ARRB2: variants seen among roughly 807,000 people sequenced by gnomAD.
ARRB2 encodes the protein beta-arrestin-2.
A neutral mutation model predicts 53.4 loss-of-function variants in ARRB2; 21 were observed. The observed-to-expected ratio is 0.39, with a 90% CI of 0.28 to 0.57. ARRB2 has a LOEUF of 0.57. ARRB2 is among the 20% of genes least tolerant of loss of function. The pLI is 0.55. For synonymous variants in ARRB2, 180 were observed against 212.9 expected (o/e 0.85, Z 1.34); for missense variants, 369 against 527.5 (o/e 0.70, Z 2.94).
At chr17:4,711,307 C>G (rs1914378399) in intron 1 of ARRB2, among the ~76,000 whole-genome samples, 1 of 152,048 alleles carries the variant, frequency 6.6e-6, no homozygotes, top group South Asian at 2.1e-4. Flanking sequence ...TAGATCGTAT[C>G]CCTCTCTCTG....
chr17:4,720,893 C>A, intron 14 of ARRB2, 53 bp from the exon 15 acceptor site: 1 of 1,571,396 alleles, frequency 6.4e-7, no homozygotes, highest in Non-Finnish European at 8.8e-7. Context: ...GAGTGGGAGG[C>A]TGGGACAAGA....
Position 4,721,236 on chromosome 17 carries a change from T to C in ARRB2, c.*197T>C. 1 of 553,700 alleles carries C rather than the reference T, an allele frequency of 1.8e-6. No individual in the cohort carries two copies. Among genetic ancestry groups the C allele is most frequent in the Non-Finnish European group, 3.1e-6 (1 of 323,396 alleles). 34.3% of individuals were successfully genotyped at this position (553,700 alleles called of 1,614,324 possible). ...GACCCTCTCTTGCTGAATGTGGGCA[T>C]TAATTTTTTGACTGCAGCTCTGCTT... On this transcript the variant is annotated 3_prime_UTR_variant, in exon 15 of 15. Coordinates refer to ENST00000269260, the MANE Select transcript of ARRB2 (RefSeq NM_004313.4). This position sits in a 1 kb window ranked among gnomAD's most constrained non-coding sequence, Gnocchi z 4.2.
In ARRB2 at chr17:4,717,651, C is replaced by T. The variant is rs370716675; in HGVS notation, c.418-34C>T. ...AGGGCAGTGATGGTGGCGGGAGCCT[C>T]CGGTAAGATGTGGCCTTTTCTCCCC... On this transcript the variant is annotated intron_variant, in intron 6 of 14. Transcript: ENST00000269260. The surrounding 1 kb of genome is among the most constrained non-coding windows in gnomAD (Gnocchi z 6.0). 1.2e-6 allele frequency: 2 copies of T among 1,613,576 alleles called. No homozygotes were observed. Among genetic ancestry groups the T allele is most frequent in the African/African-American group, 2.7e-5 (2 of 74,886 alleles).
intron 11 of ARRB2, 135 bp from the exon 12 acceptor site, chr17:4,720,081 G>T (rs1389253144): frequency 3.5e-6 from 3 of 860,936 alleles, no homozygotes; most frequent in Non-Finnish European, 5.5e-6. Context: ...TACCATAACC[G>T]CACGGCCTGG....
chr17:4,715,619 TGA>T (rs1324279896), intron 2 of ARRB2: 1 of 358,500 alleles, frequency 2.8e-6, no homozygotes, highest in Non-Finnish European at 5.2e-6. Flanking sequence ...CTGGTTGGGC[TGA>T]GTCCTCCCTG....
At position 4,718,028 on chromosome 17, in the gene ARRB2, G is replaced by T; in HGVS notation, c.621+5G>T. 6.2e-7 allele frequency: 1 copy of T among 1,612,890 alleles called. No individual in the cohort carries two copies. Among genetic ancestry groups the T allele is most frequent in the Non-Finnish European group, 8.5e-7 (1 of 1,179,998 alleles). On this transcript the variant is annotated splice_donor_5th_base_variant and intron_variant, in intron 8 of 14. Transcript: ENST00000269260. ...GAGGCTTCCCTGGACAAGGAGGTGGGGCGTGAGAGGGTGACACGGATGCCA... is the reference window on the plus strand; with the variant it reads ...GAGGCTTCCCTGGACAAGGAGGTGGTGCGTGAGAGGGTGACACGGATGCCA...
Position 4,710,641 on chromosome 17 carries a change from C to T in ARRB2, c.-81C>T. On this transcript the variant is annotated 5_prime_UTR_variant, in exon 1 of 15. Coordinates refer to ENST00000269260, the MANE Select transcript of ARRB2 (RefSeq NM_004313.4). ...CGGAGGGCGCGCGTGCGCATTGGCG[C>T]GGGGAGGAGCAGGGATCTTGGCAGC... 2.5e-6 allele frequency: 1 copy of T among 397,446 alleles called. No individual in the cohort carries two copies. Among genetic ancestry groups the T allele is most frequent in the Non-Finnish European group, 4.4e-6 (1 of 225,368 alleles). 24.6% of individuals were successfully genotyped at this position (397,446 alleles called of 1,614,324 possible).
Position 4,716,491 on chromosome 17 carries a change from G to A in ARRB2, c.240G>A (p.Leu80=), listed in dbSNP as rs1225319670. 19 of 1,613,988 alleles carry A rather than the reference G, an allele frequency of 1.2e-5. No homozygotes were observed. The highest frequency in any genetic ancestry group is 1.4e-5 in the Non-Finnish European group (16 of 1,180,030). Residue 80 remains leucine, a synonymous_variant, in exon 5 of 15, where the codon CTG becomes CTA. Transcript: ENST00000269260. The stretch of plus-strand genomic sequence containing the variant: ...TGGGCTTGTCCTTCCGCAAAGACCT[G>A]TTCATCGCCACCTACCAGGCCTTCC... ...DVLGLSFRKD[L]FIATYQAFPP...
In ARRB2 at chr17:4,716,396, C is replaced by T; in HGVS notation, c.161-16C>T. The stretch of plus-strand genomic sequence containing the variant: ...AAGTGGGGCTCCTGACCACTCATCT[C>T]ACCCTCCCTTGCCAGTGTTTGTGAC... On this transcript the variant is annotated splice_polypyrimidine_tract_variant and intron_variant, in intron 4 of 14. Coordinates refer to ENST00000269260, the MANE Select transcript of ARRB2 (RefSeq NM_004313.4). 2 of 1,614,120 alleles carry T rather than the reference C, an allele frequency of 1.2e-6. No homozygotes were observed. Among genetic ancestry groups the T allele is most frequent in the Non-Finnish European group, 1.7e-6 (2 of 1,179,998 alleles).
At chr17:4,718,758 GA>G in intron 10 of ARRB2, 74 bp downstream of exon 10, 2 of 1,241,554 alleles carry the variant, frequency 1.6e-6, no homozygotes, top group Non-Finnish European at 2.3e-6. Context: ...GGTGGAGGAA[GA>G]ATTCTTCCTG....
chr17:4,718,864 C>G (rs889162717), intron 10 of ARRB2, among the ~76,000 whole-genome samples, 180 bp downstream of exon 10: 36 of 151,832 alleles, frequency 2.4e-4, no homozygotes, highest in African/African-American at 8.0e-4. Flanking sequence ...TCACTGCAAC[C>G]TCCACCTCCC....
chr17:4,712,464 G>C, intron 1 of ARRB2, among the ~76,000 whole-genome samples: 1 of 152,258 alleles, frequency 6.6e-6, no homozygotes, highest in Non-Finnish European at 1.5e-5. Flanking sequence ...CAGATGGAAA[G>C]ATGGTTAGGT....
chr17:4,715,775 C>A (rs924999370), intron 2 of ARRB2, 198 bp from the exon 3 acceptor site: 14 of 610,604 alleles, frequency 2.3e-5, no homozygotes, highest in Non-Finnish European at 3.8e-5. Flanking sequence ...GATAAAGGAG[C>A]AGCTCAAAAG....
At chr17:4,712,969 T>TATTTA (rs1260425575) in intron 1 of ARRB2, among the ~76,000 whole-genome samples, 1 of 146,250 alleles carries the variant, frequency 6.8e-6, no homozygotes, top group East Asian at 1.9e-4. Flanking sequence ...TGGGTGGTTT[T>TATTTA]ATTTAATTTA....
chr17:4,712,650 A>G (rs1475877118), intron 1 of ARRB2, among the ~76,000 whole-genome samples: 2 of 152,240 alleles, frequency 1.3e-5, no homozygotes, highest in Non-Finnish European at 2.9e-5. Context: ...TGGTGCTTCA[A>G]AGAACAGGCC....
chr17:4,719,565 CT>C, intron 11 of ARRB2, 145 bp downstream of exon 11: 1 of 1,217,302 alleles, frequency 8.2e-7, no homozygotes, highest in Non-Finnish European at 1.1e-6. Context: ...ATAGCCAAAT[CT>C]GATCAGTGGT....
chr17:4,716,140 C>G lies in ARRB2; in HGVS notation c.116-7C>G. The G allele has an allele frequency of 6.2e-7, 1 of 1,614,180 alleles. No individual in the cohort carries two copies. The highest frequency in any genetic ancestry group is 8.5e-7 in the Non-Finnish European group (1 of 1,180,042). On this transcript the variant is annotated splice_region_variant and splice_polypyrimidine_tract_variant and intron_variant, in intron 3 of 14. Coordinates refer to ENST00000269260, the MANE Select transcript of ARRB2 (RefSeq NM_004313.4). ...TCAGGAAGTGAGCTGGTGTGTCCCC[C>G]TCCTAGATGGCGTGGTGCTTGTGGA...
Position 4,720,200 on chromosome 17 carries a change from A to G in ARRB2, c.918-16A>G, listed in dbSNP as rs1288906742. ...GGTGATAGGCCCTGGTCTGACTCCAACACCCTCAATTGCAGCGTGAAGGAG... is the reference window on the plus strand; with the variant it reads ...GGTGATAGGCCCTGGTCTGACTCCAGCACCCTCAATTGCAGCGTGAAGGAG... On this transcript the variant is annotated splice_polypyrimidine_tract_variant and intron_variant, in intron 11 of 14. Coordinates refer to ENST00000269260, the MANE Select transcript of ARRB2 (RefSeq NM_004313.4). 6.2e-7 allele frequency: 1 copy of G among 1,605,920 alleles called. No homozygotes were observed. The highest frequency in any genetic ancestry group is 2.2e-5 in the East Asian group (1 of 44,556).
intron 1 of ARRB2, among the ~76,000 whole-genome samples, chr17:4,713,697 T>C (rs898873963): frequency 6.7e-6 from 1 of 148,208 alleles, no homozygotes; most frequent in Non-Finnish European, 1.5e-5. Flanking sequence ...AGCTGAGGCA[T>C]GAGAATCGCT....
Sources: allele counts gnomAD v4.1 joint callset (sites outside exome capture counted in the v4.1 genomes callset), GRCh38; gene constraint gnomAD v4.1.1; non-coding constraint Gnocchi (gnomAD v3.1); transcripts MANE v1.5; gene names NCBI Gene and HGNC (gene_info 2026-07-23, HGNC 2026-07-21).